ANKRD28: variants seen among roughly 807,000 people sequenced by gnomAD.
The protein encoded by ANKRD28 is serine/threonine-protein phosphatase 6 regulatory ankyrin repeat subunit A.
ANKRD28 carries 44 observed loss-of-function variants against 126.5 expected under a neutral mutation model. That is an observed-to-expected ratio of 0.35 (90% CI 0.27 to 0.45). The LOEUF (loss-of-function observed/expected upper bound fraction) is 0.45, where lower values mean the gene tolerates loss of function less well. Among genes scored for constraint, ANKRD28 ranks in the 20% least tolerant of loss-of-function variants. ANKRD28 has a pLI of 1.00. For synonymous variants in ANKRD28, 442 were observed against 468.5 expected, an observed-to-expected ratio of 0.94 and a Z score of 0.73; for missense variants, 1,110 against 1,316.6, an observed-to-expected ratio of 0.84 and a Z score of 2.43.
At chr3:15,757,745 T>A (rs554480961) in intron 3 of ANKRD28, among the ~76,000 whole-genome samples, 106 of 152,164 alleles carry the variant, frequency 7.0e-4, no homozygotes, top group African/African-American at 2.5e-3. Flanking sequence ...CTGAGAAAAA[T>A]TTTTAAGTCA....
At chr3:15,703,128 A>C (rs2125979880) in intron 14 of ANKRD28, among the ~76,000 whole-genome samples, 1 of 152,312 alleles carries the variant, frequency 6.6e-6, no homozygotes, top group East Asian at 1.9e-4. Flanking sequence ...CAAAAGGCAA[A>C]TATATCTTCT....
chr3:15,712,300 C>A, intron 10 of ANKRD28, 78 bp from the exon 11 acceptor site: 1 of 1,176,336 alleles, frequency 8.5e-7, no homozygotes, highest in East Asian at 2.6e-5. Context: ...TACAAAGAGA[C>A]CACTTAAGTG....
In ANKRD28 at chr3:15,765,486, G is replaced by T. The variant is rs111257177; in HGVS notation, c.280+748C>A. Among the ~76,000 whole-genome samples the T allele has an allele frequency of 2.1e-3, 321 of 152,058 alleles. 2 individuals are homozygous for T. The highest frequency in any genetic ancestry group is 0.01 in the Middle Eastern group (3 of 294). On this transcript the variant is annotated intron_variant, in intron 3 of 27. Coordinates refer to ENST00000683139, the MANE Select transcript of ANKRD28 (RefSeq NM_001349278.2). ...ATAAACCACCGTTACCTCCACCTAGGAGAACTGCAACCATCTCCTATAATT... is the reference window on the plus strand; with the variant it reads ...ATAAACCACCGTTACCTCCACCTAGTAGAACTGCAACCATCTCCTATAATT...
rs1199975637 is a variant in ANKRD28, at chr3:15,854,738, C to T, written c.27+4639G>A. Among the ~76,000 whole-genome samples the T allele has an allele frequency of 6.6e-6, 1 of 152,034 alleles. No homozygotes were observed. The highest frequency in any genetic ancestry group is 1.5e-5 in the Non-Finnish European group (1 of 67,998). ...TGGTAGCTACTTCACCCTTGTGTCC[C>T]CTGTCATCTCCAGCACAAAACAGGA... On this transcript the variant is annotated intron_variant, in intron 1 of 27. Coordinates refer to the ANKRD28 transcript ENST00000399451. The surrounding 1 kb of genome is among the most constrained non-coding windows in gnomAD (Gnocchi z 4.1).
intron 21 of ANKRD28, among the ~76,000 whole-genome samples, chr3:15,679,969 T>C (rs1211117250): frequency 6.6e-6 from 1 of 152,188 alleles, no homozygotes; most frequent in Non-Finnish European, 1.5e-5. Context: ...ATTTAAAGTA[T>C]AGCAGAGAAT....
chr3:15,672,708 G>A (rs1003254002), intron 27 of ANKRD28, among the ~76,000 whole-genome samples: 7 of 152,154 alleles, frequency 4.6e-5, no homozygotes, highest in African/African-American at 1.7e-4. Flanking sequence ...GAGCGGGAGT[G>A]GGGAAAGAAG....
rs2060325737 is a variant in ANKRD28 at position 15,797,385 on chromosome 3, G to A, written c.-864C>T. ...TTATTCCCATCGATAGCATAAGCAA[G>A]GCAGAGCGTTCATTCTTTCTCCATC... On this transcript the variant is annotated 5_prime_UTR_variant, in exon 1 of 28. Coordinates refer to ENST00000683139, the MANE Select transcript of ANKRD28 (RefSeq NM_001349278.2). The A allele has an allele frequency of 2.0e-6, 2 of 985,188 alleles. No homozygotes were observed. The highest frequency in any genetic ancestry group is 2.4e-6 in the Non-Finnish European group (2 of 829,926). 61.0% of individuals were successfully genotyped at this position (985,188 alleles called of 1,614,324 possible). A position where few individuals can be genotyped will look rare whatever the true frequency, so the allele number is the denominator to read the frequency against.
At chr3:15,689,869 TA>T (rs1372391873) in intron 18 of ANKRD28, 149 bp downstream of exon 18, 5 of 670,260 alleles carry the variant, frequency 7.5e-6, no homozygotes, top group Admixed American at 5.9e-5. Context: ...TGAATAAAGT[TA>T]TTTGGTGAGG....
At chr3:15,774,833 A>C (rs1302817864) in intron 2 of ANKRD28, among the ~76,000 whole-genome samples, 1 of 152,354 alleles carries the variant, frequency 6.6e-6, no homozygotes, top group African/African-American at 2.4e-5. Context: ...GCAAATTAAT[A>C]AGAGACAACT....
chr3:15,723,682 G>C (rs1221867739), intron 7 of ANKRD28, among the ~76,000 whole-genome samples: 1 of 152,052 alleles, frequency 6.6e-6, no homozygotes. Flanking sequence ...TAGGTGGCAG[G>C]ATCACTTGAG....
chr3:15,689,755 G>T, intron 18 of ANKRD28: 1 of 309,136 alleles, frequency 3.2e-6, no homozygotes, highest in Middle Eastern at 9.7e-4. Flanking sequence ...TATTTTTTGT[G>T]CTTGGTTTAC....
chr3:15,825,165 T>C (rs1229417424), intron 1 of ANKRD28, among the ~76,000 whole-genome samples: 1 of 152,168 alleles, frequency 6.6e-6, no homozygotes, highest in Non-Finnish European at 1.5e-5. Context: ...GATTTAAGGA[T>C]AGTGTCTGCC....
At chr3:15,798,402 AT>A (rs1293037766), upstream of ANKRD28, among the ~76,000 whole-genome samples, 3 of 151,606 alleles carry the variant, frequency 2.0e-5, no homozygotes, top group Non-Finnish European at 4.4e-5. Context: ...TGCCAGGTGT[AT>A]TTTATTTTCT....
At chr3:15,788,153 C>A (rs889417604) in intron 2 of ANKRD28, among the ~76,000 whole-genome samples, 4 of 152,068 alleles carry the variant, frequency 2.6e-5, no homozygotes. Flanking sequence ...AAAAATATGG[C>A]ACTAAAGAAG....
intron 1 of ANKRD28, among the ~76,000 whole-genome samples, chr3:15,823,742 A>C (rs1302224217): frequency 6.6e-6 from 1 of 152,242 alleles, no homozygotes; most frequent in Non-Finnish European, 1.5e-5. Context: ...GACTTATACC[A>C]GGAATGTAAG....
At chr3:15,677,145 T>A (rs2470540) in intron 25 of ANKRD28, 89 bp from the exon 26 acceptor site, 594,359 of 1,038,298 alleles carry the variant, frequency 0.57, 173,435 homozygotes, top group Admixed American at 0.64. Context: ...AGTCCATATA[T>A]TATGTACAAC....
At chr3:15,741,343 CT>C (rs2075455770) in intron 4 of ANKRD28, among the ~76,000 whole-genome samples, 1 of 152,092 alleles carries the variant, frequency 6.6e-6, no homozygotes, top group South Asian at 2.1e-4. Context: ...ATCAAAGAGC[CT>C]GTCATACCCT....
intron 27 of ANKRD28, among the ~76,000 whole-genome samples, chr3:15,674,195 A>AAAAAAAAT (rs2066686084): frequency 6.6e-6 from 1 of 150,752 alleles, no homozygotes; most frequent in African/African-American, 2.4e-5. Flanking sequence ...AAAAAAAAAA[A>AAAAAAAAT]AAAGAAGAAG....
At chr3:15,688,447 C>G (rs74804978) in intron 18 of ANKRD28, among the ~76,000 whole-genome samples, 1 of 152,194 alleles carries the variant, frequency 6.6e-6, no homozygotes, top group Non-Finnish European at 1.5e-5. Flanking sequence ...TATAACTTCA[C>G]TCTTTTTCAG....
Sources: allele counts gnomAD v4.1 joint callset (sites outside exome capture counted in the v4.1 genomes callset), GRCh38; gene constraint gnomAD v4.1.1; non-coding constraint Gnocchi (gnomAD v3.1); transcripts MANE v1.5; gene names NCBI Gene and HGNC (gene_info 2026-07-23, HGNC 2026-07-21).